JAKMIP2: variants seen among roughly 807,000 people sequenced by gnomAD.
JAKMIP2 encodes the protein janus kinase and microtubule interacting protein 2, also known as janus kinase and microtubule-interacting protein 2.
A neutral mutation model predicts 115.0 loss-of-function variants in JAKMIP2; 25 were observed. The ratio of observed to expected loss-of-function variants is 0.22; its 90% CI spans 0.16 to 0.30. JAKMIP2 has a LOEUF of 0.30. Among genes scored for constraint, JAKMIP2 ranks in the 10% least tolerant of loss-of-function variants. JAKMIP2 has a pLI of 1.00. For synonymous variants in JAKMIP2, 334 were observed against 343.6 expected, an observed-to-expected ratio of 0.97 and a Z score of 0.31; for missense variants, 642 against 957.6, an observed-to-expected ratio of 0.67 and a Z score of 4.35.
intron 21 of JAKMIP2, among the ~76,000 whole-genome samples, chr5:147,597,182 C>CG (rs1380007185): frequency 1.2e-4 from 18 of 151,916 alleles, no homozygotes; most frequent in Admixed American, 7.9e-4. Context: ...CGCGCCTGGC[C>CG]GATCGTACTA....
At chr5:147,705,958 A>C (rs1321417035) in intron 1 of JAKMIP2, among the ~76,000 whole-genome samples, 2 of 152,202 alleles carry the variant, frequency 1.3e-5, no homozygotes, top group Non-Finnish European at 2.9e-5. Flanking sequence ...CATATTTAAC[A>C]ATTGAAAATG....
rs1200856216 is a variant in JAKMIP2 at position 147,702,693 on chromosome 5, GA to G, written c.-148-30740del. On this transcript the variant is annotated intron_variant, in intron 1 of 21. Transcript: ENST00000616793. The stretch of plus-strand genomic sequence containing the variant: ...GAGAAAGAAAGAGAAAGAAAGAAAA[GA>G]AAAGAAAAGAAAAAAAAAGAGCAGA... 1.5e-3 allele frequency among the ~76,000 whole-genome samples: 212 copies of G among 139,376 alleles called. 6 individuals are homozygous for G. The highest frequency in any genetic ancestry group is 5.7e-3 in the African/African-American group (195 of 34,234). The allele number at this position is 139,376 out of a possible 152,430, so 91.4% of individuals were successfully genotyped here.
intron 1 of JAKMIP2, among the ~76,000 whole-genome samples, chr5:147,680,895 A>G (rs1005766261): frequency 5.3e-5 from 8 of 152,212 alleles, no homozygotes; most frequent in African/African-American, 1.9e-4. Flanking sequence ...CATGTCAGTT[A>G]GAGAAAAATG....
At chr5:147,729,755 C>G (rs1362352411) in intron 1 of JAKMIP2, among the ~76,000 whole-genome samples, 2 of 137,176 alleles carry the variant, frequency 1.5e-5, no homozygotes, top group Admixed American at 7.6e-5. Context: ...GCCTGGGAAA[C>G]AGAATGAGAC....
intron 1 of JAKMIP2, among the ~76,000 whole-genome samples, chr5:147,690,682 G>C (rs1751802426): frequency 6.6e-6 from 1 of 151,136 alleles, no homozygotes; most frequent in Non-Finnish European, 1.5e-5. Context: ...TCTCACTGAG[G>C]GATCAAAAAG....
intron 14 of JAKMIP2, among the ~76,000 whole-genome samples, chr5:147,630,154 A>G (rs1757292584): frequency 6.6e-6 from 1 of 152,156 alleles, no homozygotes; most frequent in South Asian, 2.1e-4. Context: ...GGTAATAAAT[A>G]TAAAGAATCA....
chr5:147,702,553 G>GAAGAAAGA (rs140762384), intron 1 of JAKMIP2, among the ~76,000 whole-genome samples: 18 of 104,124 alleles, frequency 1.7e-4, no homozygotes, highest in African/African-American at 7.2e-4. Flanking sequence ...GACAAAGAAA[G>GAAGAAAGA]AAGAAAGAAA....
In JAKMIP2 at chr5:147,628,733, G is replaced by A. The variant is rs116797110; in HGVS notation, c.1995+18C>T. On this transcript the variant is annotated intron_variant, in intron 16 of 21. Coordinates refer to ENST00000616793, the MANE Select transcript of JAKMIP2 (RefSeq NM_001270941.2). ...GCCAGACACCGAGATGATTTGAAAT[G>A]TTTGTACGGCTCATTACCTTCTCTG... 1,693 of 1,601,954 alleles carry A rather than the reference G, an allele frequency of 1.1e-3. 20 individuals carry two copies. In the African/African-American group the frequency reaches 0.02, roughly 19 times the overall value.
At chr5:147,612,410 T>A in intron 19 of JAKMIP2, 39 bp from the exon 20 acceptor site, 1 of 1,230,508 alleles carries the variant, frequency 8.1e-7, no homozygotes, top group African/African-American at 1.5e-5. Flanking sequence ...CATCAGTAGG[T>A]GGTAAGTTGT....
intron 1 of JAKMIP2, among the ~76,000 whole-genome samples, chr5:147,686,099 T>C (rs770778885): frequency 1.1e-4 from 16 of 152,166 alleles, no homozygotes. Flanking sequence ...AGGGACCTTG[T>C]TCCTAATCTG....
At chr5:147,670,803 TATTC>T (rs541027792) in intron 2 of JAKMIP2, among the ~76,000 whole-genome samples, 34 of 152,338 alleles carry the variant, frequency 2.2e-4, no homozygotes, top group African/African-American at 7.9e-4. Context: ...ATTATTCCTC[TATTC>T]ATTCAACAAA....
At chr5:147,608,403 A>T (rs571081601) in intron 20 of JAKMIP2, among the ~76,000 whole-genome samples, 43 of 152,064 alleles carry the variant, frequency 2.8e-4, no homozygotes, top group Non-Finnish European at 4.3e-4. Flanking sequence ...CAAATAGCTT[A>T]TTTGTTTCTG....
At chr5:147,772,157 T>C (rs1755382359) in intron 1 of JAKMIP2, among the ~76,000 whole-genome samples, 1 of 152,000 alleles carries the variant, frequency 6.6e-6, no homozygotes, top group Admixed American at 6.6e-5. Context: ...GTATTAAACA[T>C]ATGTAAATTG....
intron 3 of JAKMIP2, among the ~76,000 whole-genome samples, chr5:147,652,347 A>G (rs946705707): frequency 3.5e-4 from 53 of 152,184 alleles, no homozygotes; most frequent in African/African-American, 1.3e-3. Context: ...CATTTCCCAA[A>G]GTGGTTTCCT....
intron 1 of JAKMIP2, among the ~76,000 whole-genome samples, chr5:147,731,427 C>G (rs946061528): frequency 1.3e-5 from 2 of 152,214 alleles, no homozygotes; most frequent in Non-Finnish European, 2.9e-5. Flanking sequence ...ACATAATACT[C>G]TTACTTCTGA....
At chr5:147,631,338 C>T (rs1253840414) in intron 14 of JAKMIP2, 75 bp downstream of exon 14, 6 of 831,378 alleles carry the variant, frequency 7.2e-6, no homozygotes, top group South Asian at 1.8e-5. Flanking sequence ...ACAAAATAGT[C>T]GTAAGTAACC....
chr5:147,665,923 G>T (rs1759275490), intron 2 of JAKMIP2, among the ~76,000 whole-genome samples: 1 of 152,112 alleles, frequency 6.6e-6, no homozygotes, highest in Admixed American at 6.6e-5. Context: ...GAACTGAAGA[G>T]GAGATGAAGG....
intron 1 of JAKMIP2, among the ~76,000 whole-genome samples, chr5:147,676,409 G>T (rs750736526): frequency 6.6e-6 from 1 of 152,202 alleles, no homozygotes; most frequent in Non-Finnish European, 1.5e-5. Flanking sequence ...CGGACACTCC[G>T]AGAGTCCTTG....
chr5:147,734,882 A>G (rs1468188354), intron 1 of JAKMIP2, among the ~76,000 whole-genome samples: 1 of 152,158 alleles, frequency 6.6e-6, no homozygotes, highest in Non-Finnish European at 1.5e-5. Flanking sequence ...GTTGTAAACA[A>G]AGTCTGATTT....
Sources: allele counts gnomAD v4.1 joint callset (sites outside exome capture counted in the v4.1 genomes callset), GRCh38; gene constraint gnomAD v4.1.1; transcripts MANE v1.5; gene names NCBI Gene and HGNC (gene_info 2026-07-23, HGNC 2026-07-21).